Variants in PRSS48 observed in about 807,000 individuals in gnomAD.
PRSS48 encodes epidermis-specific serine protease-like protein.
In PRSS48, 21 loss-of-function variants were observed where a neutral mutation model predicts 25.6. The ratio of observed to expected loss-of-function variants is 0.82; its 90% CI spans 0.58 to 1.18. The LOEUF (loss-of-function observed/expected upper bound fraction) is 1.18, where lower values mean the gene tolerates loss of function less well. Among genes scored for constraint, PRSS48 ranks in the 50% most tolerant of loss-of-function variants. PRSS48 has a pLI of 0.00. For missense variants in PRSS48, 373 were observed against 399.3 expected (o/e 0.93, Z 0.56); for synonymous variants, 150 against 149.3 (o/e 1.00, Z -0.04).
chr4:151,283,599 C>G (rs1045147054), intron 4 of PRSS48, among the ~76,000 whole-genome samples: 1 of 151,002 alleles, frequency 6.6e-6, no homozygotes, highest in African/African-American at 2.4e-5. Flanking sequence ...CTTACTACAG[C>G]CTCCAGCTCC....
intron 1 of PRSS48, among the ~76,000 whole-genome samples, chr4:151,278,598 A>C (rs1272710908): frequency 6.6e-6 from 1 of 151,986 alleles, no homozygotes; most frequent in African/African-American, 2.4e-5. Context: ...CATGTGACCT[A>C]GGGTTTCCTT....
chr4:151,277,306 C>A, intron 1 of PRSS48, 82 bp downstream of exon 1: 1 of 1,126,664 alleles, frequency 8.9e-7, no homozygotes, highest in Non-Finnish European at 1.2e-6. Context: ...TGTGACACTT[C>A]ACCCATGGGA....
intron 4 of PRSS48, among the ~76,000 whole-genome samples, chr4:151,286,982 A>AAAT (rs113584974): frequency 0.35 from 49,429 of 141,558 alleles, 8,914 homozygotes; most frequent in Non-Finnish European, 0.41. Context: ...TCTGTCTCAA[A>AAAT]AATAATAATA....
intron 1 of PRSS48, chr4:151,279,131 G>A: frequency 2.3e-6 from 1 of 434,336 alleles, no homozygotes; most frequent in Non-Finnish European, 4.5e-6. Context: ...GCCAAGGCCA[G>A]CACCCTGCAG....
intron 3 of PRSS48, among the ~76,000 whole-genome samples, chr4:151,282,904 TA>T (rs201502254): frequency 7.3e-5 from 11 of 151,546 alleles, no homozygotes; most frequent in Admixed American, 4.6e-4. Context: ...ATGGCTCAAT[TA>T]AAAAAAAACC....
At chr4:151,279,122 C>A in intron 1 of PRSS48, 1 of 435,702 alleles carries the variant, frequency 2.3e-6, no homozygotes, top group Non-Finnish European at 4.5e-6. Flanking sequence ...GGCTGACCTG[C>A]CAAGGCCAGC....
chr4:151,279,440 G>A (rs1773971677), intron 1 of PRSS48, among the ~76,000 whole-genome samples: 1 of 152,178 alleles, frequency 6.6e-6, no homozygotes, highest in South Asian at 2.1e-4. Context: ...CTAATAGGTA[G>A]AAGGCATTTG....
At position 151,279,362 on chromosome 4, in the gene PRSS48, T is replaced by G. The variant is rs531149075; in HGVS notation, c.53-434T>G. Among the ~76,000 whole-genome samples, 4 of 152,246 alleles carry G rather than the reference T, an allele frequency of 2.6e-5. No homozygotes were observed. In the East Asian group the frequency reaches 7.7e-4, roughly 29 times the overall value. On this transcript the variant is annotated intron_variant, in intron 1 of 4. Transcript: ENST00000455694. ...ACTATCCCTGGTTTAAAAAAAAAAT[T>G]TTAAGTTAAATGATATTCCATGTGT...
chr4:151,291,141 G>A (rs369030212), exon 5 of PRSS48: 31 of 1,612,634 alleles, frequency 1.9e-5, no homozygotes, highest in African/African-American at 1.2e-4. Context: ...GGCCTCTGTC[G>A]TGTCACATTG....
intron 4 of PRSS48, 105 bp from the exon 5 acceptor site, chr4:151,291,013 C>T (rs1775279495): frequency 1.3e-6 from 1 of 793,500 alleles, no homozygotes; most frequent in Non-Finnish European, 2.0e-6. Flanking sequence ...TTCCACAGCT[C>T]CATGGGTCTC....
Position 151,285,583 on chromosome 4 carries a change from A to G in PRSS48, c.651+2297A>G, listed in dbSNP as rs979626255. ...TAAAGCAGTGCTTAGAGAGAAATTT[A>G]TATCTGTAAATGCCTACGTTAAACA... On this transcript the variant is annotated intron_variant, in intron 4 of 4. Transcript: ENST00000455694. Among the ~76,000 whole-genome samples, 12 of 152,214 alleles carry G rather than the reference A, an allele frequency of 7.9e-5. 1 individual carries two copies. Among genetic ancestry groups the G allele is most frequent in the Admixed American group, 4.6e-4 (7 of 15,282 alleles).
At chr4:151,288,080 C>T (rs997046987) in intron 4 of PRSS48, among the ~76,000 whole-genome samples, 2 of 151,214 alleles carry the variant, frequency 1.3e-5, no homozygotes, top group African/African-American at 4.9e-5. Flanking sequence ...CAACGCTTCA[C>T]GTTAAAAAAA....
rs1580381578 is a variant in PRSS48 at position 151,277,279 on chromosome 4, G to A, written c.52+55G>A. 6 of 1,370,268 alleles carry A rather than the reference G, an allele frequency of 4.4e-6. No individual in the cohort carries two copies. The East Asian group carries it at 1.5e-4, about 35-fold the overall frequency. The allele number at this position is 1,370,268 out of a possible 1,614,324, so 84.9% of individuals were successfully genotyped here. A position where few individuals can be genotyped will look rare whatever the true frequency, so the allele number is the denominator to read the frequency against. On this transcript the variant is annotated intron_variant, in intron 1 of 4. Coordinates refer to ENST00000455694, the Ensembl canonical transcript of PRSS48. ...GAGGCAGAGGATTTTTACTAAAGAG[G>A]GCATCACATAGAACAATGTGACACT...
chr4:151,289,162 C>G (rs61693994), intron 4 of PRSS48, among the ~76,000 whole-genome samples: 9 of 152,122 alleles, frequency 5.9e-5, no homozygotes, highest in Non-Finnish European at 8.8e-5. Flanking sequence ...ACAAATGATG[C>G]TGGGACAAGT....
At chr4:151,286,715 C>T (rs753837190) in intron 4 of PRSS48, among the ~76,000 whole-genome samples, 11 of 151,748 alleles carry the variant, frequency 7.2e-5, no homozygotes, top group Non-Finnish European at 1.3e-4. Flanking sequence ...GGCAGTGGCT[C>T]ATACCTGTAA....
chr4:151,287,551 T>C (rs1774927771), intron 4 of PRSS48, among the ~76,000 whole-genome samples: 1 of 151,924 alleles, frequency 6.6e-6, no homozygotes, highest in African/African-American at 2.4e-5. Flanking sequence ...CAACAGGAAG[T>C]CAAGTTGGCT....
At chr4:151,277,978 T>C (rs1580383673) in intron 1 of PRSS48, among the ~76,000 whole-genome samples, 2 of 151,772 alleles carry the variant, frequency 1.3e-5, no homozygotes, top group South Asian at 4.2e-4. Flanking sequence ...AAAGTGGAGG[T>C]TGCAGTAAGC....
chr4:151,286,198 A>AC (rs537902163), intron 4 of PRSS48, among the ~76,000 whole-genome samples: 76 of 149,986 alleles, frequency 5.1e-4, no homozygotes, highest in South Asian at 4.0e-3. Flanking sequence ...AAAAAAAAAA[A>AC]AAAAAACAAC....
chr4:151,291,548 G>T, downstream of PRSS48: 1 of 811,400 alleles, frequency 1.2e-6, no homozygotes. Context: ...TTTTGGGGTT[G>T]GAATGTGAAG....
Sources: gnomAD v4.1 joint callset for allele counts (sites outside exome capture counted in the v4.1 genomes callset) on GRCh38, gnomAD v4.1.1 for gene constraint, MANE v1.5 for transcripts, NCBI Gene and HGNC (gene_info 2026-07-23, HGNC 2026-07-21) for gene names.